The following ASIC1 variants were observed in gnomAD, a reference collection of about 807,000 sequenced individuals.
ASIC1 encodes acid sensing ion channel subunit 1.
ASIC1 carries 21 observed loss-of-function variants against 63.4 expected under a neutral mutation model. The ratio of observed to expected loss-of-function variants is 0.33; its 90% confidence interval spans 0.23 to 0.48. The LOEUF (loss-of-function observed/expected upper bound fraction) is 0.48. Ranked by LOEUF, ASIC1 falls within the 20% of genes least tolerant of loss-of-function variation. The pLI is 0.99. For synonymous variants in ASIC1, 258 were observed against 278.2 expected (o/e 0.93, Z 0.72); for missense variants, 478 against 695.5 (o/e 0.69, Z 3.52).
chr12:50,063,750 G>T (rs2137813359), intron 3 of ASIC1, among the ~76,000 whole-genome samples: 1 of 152,240 alleles, frequency 6.6e-6, no homozygotes, highest in East Asian at 1.9e-4. Context: ...GTGGCTGTGG[G>T]CGCCTGATCC....
In ASIC1 at chr12:50,074,759, C is replaced by T. The variant is rs1950636474; in HGVS notation, c.559-2454C>T. Among the ~76,000 whole-genome samples the T allele has an allele frequency of 6.6e-6, 1 of 152,026 alleles. No individual in the cohort carries two copies. The highest frequency in any genetic ancestry group is 2.1e-4 in the South Asian group (1 of 4,822). ...GGGGTGGGGATATCCCCCAACCCCA[C>T]CCCACCATGGCCCTTGTCAGCATCT... is the stretch of plus-strand genomic sequence containing the variant. On this transcript the variant is annotated intron_variant, in intron 3 of 11. Coordinates refer to ENST00000447966, the MANE Select transcript of ASIC1 (RefSeq NM_001095.4). The surrounding 1 kb of genome is among the most constrained non-coding windows in gnomAD (Gnocchi z 4.2).
rs570428768 is a variant in ASIC1, at chr12:50,083,578, C to G, written c.*1929C>G. 1 of 152,936 alleles carries G rather than the reference C, an allele frequency of 6.5e-6. No homozygotes were observed. Among genetic ancestry groups the G allele is most frequent in the South Asian group, 2.1e-4 (1 of 4,832 alleles). The allele number at this position is 152,936 out of a possible 1,614,324, so 9.5% of individuals were successfully genotyped here. A position where few individuals can be genotyped will look rare whatever the true frequency, so the allele number is the denominator to read the frequency against. Reference sequence around the variant, plus strand: ...ACAGCAGGCAGGGCTCTGGGTGACGCATGCCTCTGGTCTAATAAACTGGGT... The same window carrying G: ...ACAGCAGGCAGGGCTCTGGGTGACGGATGCCTCTGGTCTAATAAACTGGGT... On this transcript the variant is annotated 3_prime_UTR_variant, in exon 12 of 12. Coordinates refer to ENST00000447966, the MANE Select transcript of ASIC1 (RefSeq NM_001095.4).
At position 50,081,674 on chromosome 12, in the gene ASIC1, G is replaced by A. The variant is rs1390315767; in HGVS notation, c.*25G>A. The A allele has an allele frequency of 6.2e-7, 1 of 1,608,634 alleles. No homozygotes were observed. The highest frequency in any genetic ancestry group is 1.1e-5 in the South Asian group (1 of 90,504). On this transcript the variant is annotated 3_prime_UTR_variant, in exon 12 of 12. Transcript: ENST00000447966. ...AGCCCCGCAGGCCGCTGAACCAAAGGCCTAGATGGGGAGGACTAGGAGAGC... is the reference window on the plus strand; with the variant it reads ...AGCCCCGCAGGCCGCTGAACCAAAGACCTAGATGGGGAGGACTAGGAGAGC...
At chr12:50,077,738 G>T (rs1950671369) in intron 4 of ASIC1, among the ~76,000 whole-genome samples, 1 of 152,170 alleles carries the variant, frequency 6.6e-6, no homozygotes, top group Admixed American at 6.5e-5. Flanking sequence ...GTGACACTCT[G>T]GGAGAAAGTA....
At chr12:50,077,637 C>A (rs745574529) in intron 4 of ASIC1, among the ~76,000 whole-genome samples, 3 of 152,020 alleles carry the variant, frequency 2.0e-5, no homozygotes, top group African/African-American at 7.3e-5. Context: ...TCTCGGGCTG[C>A]CTGCCTGTCT....
In ASIC1 at chr12:50,078,906, G is replaced by A; in HGVS notation, c.995-18G>A. The A allele has an allele frequency of 6.2e-7, 1 of 1,612,778 alleles. No homozygotes were observed. Among genetic ancestry groups the A allele is most frequent in the East Asian group, 2.2e-5 (1 of 44,856 alleles). On this transcript the variant is annotated intron_variant, in intron 6 of 11. Transcript: ENST00000447966. The surrounding 1 kb of genome is among the most constrained non-coding windows in gnomAD (Gnocchi z 6.0). ...CCTTGAATTCCCATCCTGCATCATT[G>A]TCTTTTCTCCTCTGTAGGGGATGCC...
chr12:50,075,302 G>A (rs1227992945), intron 3 of ASIC1, among the ~76,000 whole-genome samples: 1 of 152,202 alleles, frequency 6.6e-6, no homozygotes, highest in Non-Finnish European at 1.5e-5. Flanking sequence ...CCATAGGAAT[G>A]TGTCTACCTC....
At chr12:50,065,131 G>A (rs1214381654) in intron 3 of ASIC1, among the ~76,000 whole-genome samples, 5 of 152,108 alleles carry the variant, frequency 3.3e-5, no homozygotes, top group East Asian at 3.9e-4. Flanking sequence ...TAAATCAACC[G>A]GCCAATTCTC....
chr12:50,069,330 A>G (rs374330970), intron 3 of ASIC1, among the ~76,000 whole-genome samples: 5 of 151,526 alleles, frequency 3.3e-5, no homozygotes, highest in East Asian at 1.9e-4. Flanking sequence ...ATCTCGTTCT[A>G]TTGCCTGGGC....
chr12:50,073,644 C>T, intron 3 of ASIC1: 1 of 1,536,216 alleles, frequency 6.5e-7, no homozygotes, highest in African/African-American at 1.4e-5. Context: ...CCCCAGGGCC[C>T]TTGGGAGATA....
chr12:50,073,671 C>A (rs1210947103), intron 3 of ASIC1: 2 of 1,536,416 alleles, frequency 1.3e-6, no homozygotes, highest in South Asian at 2.4e-5. Flanking sequence ...GTCCCCACCA[C>A]CATCAGCAGC....
chr12:50,077,839 C>T (rs1950672555), intron 4 of ASIC1, among the ~76,000 whole-genome samples, 161 bp from the exon 5 acceptor site: 1 of 152,002 alleles, frequency 6.6e-6, no homozygotes, highest in African/African-American at 2.4e-5. Context: ...GCTGGTAAAC[C>T]CAGAAGGAGG....
chr12:50,080,364 G>C, intron 8 of ASIC1, 134 bp from the exon 9 acceptor site: 1 of 896,110 alleles, frequency 1.1e-6, no homozygotes, highest in Non-Finnish European at 1.7e-6. Context: ...CTAAAAGGCA[G>C]GTATCTCCAT....
At position 50,082,026 on chromosome 12, in the gene ASIC1, G is replaced by C; in HGVS notation, c.*377G>C. 1 of 228,910 alleles carries C rather than the reference G, an allele frequency of 4.4e-6. No individual in the cohort carries two copies. Among genetic ancestry groups the C allele is most frequent in the Non-Finnish European group, 8.6e-6 (1 of 116,104 alleles). 14.2% of individuals were successfully genotyped at this position (228,910 alleles called of 1,614,324 possible). A position where few individuals can be genotyped will look rare whatever the true frequency, so the allele number is the denominator to read the frequency against. ...CACCAAAGGCCCTTCCCAGTGAGGGGTGGAAGGGATCTCTGGGGTCTGGAA... is the reference window on the plus strand; with the variant it reads ...CACCAAAGGCCCTTCCCAGTGAGGGCTGGAAGGGATCTCTGGGGTCTGGAA... On this transcript the variant is annotated 3_prime_UTR_variant, in exon 12 of 12. Coordinates refer to ENST00000447966, the MANE Select transcript of ASIC1 (RefSeq NM_001095.4).
Position 50,059,953 on chromosome 12 carries a change from T to C in ASIC1, c.557T>C (p.Val186Ala), listed in dbSNP as rs1246705935. 6.2e-7 allele frequency: 1 copy of C among 1,613,150 alleles called. No homozygotes were observed. Among genetic ancestry groups the C allele is most frequent in the Non-Finnish European group, 8.5e-7 (1 of 1,179,758 alleles). ...GEVCSAEDFK[V>A]VFTRYGKCYT... ...GTCTGCAGCGCTGAAGACTTCAAGG[T>C]GGTGAGTCCCCTCGTGTGGGGTGTG... The change falls in exon 3 of 12, where the codon GTG becomes GCG. Residue 186 changes from valine (V) to alanine (A), a missense_variant and splice_region_variant. Coordinates refer to ENST00000447966, the MANE Select transcript of ASIC1 (RefSeq NM_001095.4). This position sits in a 1 kb window ranked among gnomAD's most constrained non-coding sequence, Gnocchi z 4.6.
chr12:50,080,495 C>T lies in ASIC1; in HGVS notation c.1206-3C>T. 3 of 1,613,904 alleles carry T rather than the reference C, an allele frequency of 1.9e-6. No individual in the cohort carries two copies. The highest frequency in any genetic ancestry group is 2.5e-6 in the Non-Finnish European group (3 of 1,179,834). ...TAGGTCTCCTCCCCCAATCCCTGTG[C>T]AGGGAGAACATCCTGGTGCTGGACA... On this transcript the variant is annotated splice_polypyrimidine_tract_variant and splice_region_variant and intron_variant, in intron 8 of 11. Transcript: ENST00000447966.
chr12:50,058,801 G>A lies in ASIC1; in HGVS notation c.35G>A (p.Gly12Asp). The A allele has an allele frequency of 6.3e-7, 1 of 1,596,828 alleles. No individual in the cohort carries two copies. Among genetic ancestry groups the A allele is most frequent in the Admixed American group, 1.7e-5 (1 of 59,346 alleles). ...AAGGCCGAGGAGGAGGAGGTGGGTGGCGTCCAGCCGGTGAGCATCCAGGCC... is the reference window on the plus strand; with the variant it reads ...AAGGCCGAGGAGGAGGAGGTGGGTGACGTCCAGCCGGTGAGCATCCAGGCC... ...ELKAEEEEVG[G>D]VQPVSIQAFA... The change falls in exon 2 of 12, where the codon GGC (glycine) becomes GAC (aspartate). Residue 12 changes from glycine (G) to aspartate (D), a missense_variant. By Grantham distance (94) the Gly-to-Asp change is moderately conservative (BLOSUM62 -1). Around this residue, in one of 3 missense-constraint regions of ASIC1, gnomAD observed 290 missense variants for 414.9 expected, o/e 0.70. Coordinates refer to ENST00000447966, the MANE Select transcript of ASIC1 (RefSeq NM_001095.4).
chr12:50,077,090 C>G, intron 3 of ASIC1, 123 bp from the exon 4 acceptor site: 1 of 1,471,142 alleles, frequency 6.8e-7, no homozygotes. Context: ...GGAGAATGGG[C>G]TGCACGGGAG....
At chr12:50,065,042 C>T (rs551401607) in intron 3 of ASIC1, among the ~76,000 whole-genome samples, 1 of 152,232 alleles carries the variant, frequency 6.6e-6, no homozygotes, top group Admixed American at 6.5e-5. Flanking sequence ...CAGGGGGAGT[C>T]CTCCCAATCT....
Sources: gnomAD v4.1 joint callset for allele counts (sites outside exome capture counted in the v4.1 genomes callset) on GRCh38, gnomAD v4.1.1 for gene constraint, gnomAD v4.1.1 regional missense constraint, Gnocchi (gnomAD v3.1) non-coding constraint, MANE v1.5 for transcripts, NCBI Gene and HGNC (gene_info 2026-07-23, HGNC 2026-07-21) for gene names.